CADM2: variants seen among roughly 807,000 people sequenced by gnomAD.
CADM2 encodes immunoglobulin superfamily member 4D.
CADM2 carries 12 observed loss-of-function variants against 49.8 expected under a neutral mutation model. The observed-to-expected ratio is 0.24, with a 90% CI of 0.15 to 0.39. The LOEUF (loss-of-function observed/expected upper bound fraction) is 0.39. CADM2 is among the 10% of genes least tolerant of loss of function. The pLI is 1.00. For synonymous variants in CADM2, 214 were observed against 175.4 expected (o/e 1.22, Z -1.74); for missense variants, 378 against 492.3 (o/e 0.77, Z 2.20).
chr3:85,682,398 CA>C (rs2066064491), intron 1 of CADM2, among the ~76,000 whole-genome samples: 1 of 151,990 alleles, frequency 6.6e-6, no homozygotes, highest in African/African-American at 2.4e-5. Context: ...CACAGTTTTA[CA>C]AAGCAATATA....
intron 1 of CADM2, among the ~76,000 whole-genome samples, chr3:85,289,640 G>A (rs548481101): frequency 5.3e-5 from 8 of 152,120 alleles, no homozygotes; most frequent in Non-Finnish European, 1.0e-4. Flanking sequence ...GTGAAAAACC[G>A]CAATAATTTC....
intron 8 of CADM2, among the ~76,000 whole-genome samples, chr3:86,015,916 CA>C (rs1340986044): frequency 5.3e-5 from 8 of 152,140 alleles, no homozygotes; most frequent in African/African-American, 1.7e-4. Flanking sequence ...GGAAAACCTA[CA>C]AAAATAAGGA....
At chr3:85,157,579 A>G (rs1316789815) in intron 1 of CADM2, among the ~76,000 whole-genome samples, 2 of 152,226 alleles carry the variant, frequency 1.3e-5, no homozygotes, top group Non-Finnish European at 2.9e-5. Context: ...GAGAAAAACA[A>G]GCATTGAGTA....
intron 1 of CADM2, among the ~76,000 whole-genome samples, chr3:85,630,010 G>A (rs540659007): frequency 6.6e-6 from 1 of 152,056 alleles, no homozygotes; most frequent in East Asian, 1.9e-4. Context: ...TCTGTATAGA[G>A]TTGACTTCAT....
intron 1 of CADM2, among the ~76,000 whole-genome samples, chr3:85,445,586 AT>A (rs1255908784): frequency 6.6e-6 from 1 of 152,132 alleles, no homozygotes; most frequent in Non-Finnish European, 1.5e-5. Flanking sequence ...TGCATTATTT[AT>A]CTATGCATTT....
intron 1 of CADM2, among the ~76,000 whole-genome samples, chr3:85,676,233 C>T (rs2065882095): frequency 6.6e-6 from 1 of 152,124 alleles, no homozygotes; most frequent in Non-Finnish European, 1.5e-5. Context: ...CTCTTAAAAT[C>T]AATTAGTTTT....
At chr3:85,084,170 T>C (rs1279115941) in intron 1 of CADM2, among the ~76,000 whole-genome samples, 3 of 152,198 alleles carry the variant, frequency 2.0e-5, no homozygotes, top group Non-Finnish European at 4.4e-5. Context: ...AAGTCAATGC[T>C]AATAGCATGA....
At chr3:85,076,820 A>T (rs547842113) in intron 1 of CADM2, among the ~76,000 whole-genome samples, 38 of 152,116 alleles carry the variant, frequency 2.5e-4, no homozygotes, top group South Asian at 1.7e-3. Context: ...AAAAATACAA[A>T]AATTACAAGG....
chr3:85,103,517 T>C (rs143927227), intron 1 of CADM2, among the ~76,000 whole-genome samples: 31 of 152,250 alleles, frequency 2.0e-4, no homozygotes, highest in African/African-American at 6.0e-4. Flanking sequence ...GAAAATGGCA[T>C]GTTCACAAAT....
At chr3:85,302,233 T>C (rs908809024) in intron 1 of CADM2, among the ~76,000 whole-genome samples, 6 of 152,052 alleles carry the variant, frequency 3.9e-5, no homozygotes, top group Non-Finnish European at 5.9e-5. Flanking sequence ...TTCATAATTT[T>C]AACTGCAGAT....
chr3:85,956,947 C>G (rs562687948), intron 7 of CADM2, among the ~76,000 whole-genome samples: 14 of 151,538 alleles, frequency 9.2e-5, no homozygotes, highest in African/African-American at 3.4e-4. Flanking sequence ...GAAAAGGTTG[C>G]CTCCTAAGAT....
intron 3 of CADM2, among the ~76,000 whole-genome samples, chr3:85,810,742 G>A (rs2072817749): frequency 6.6e-6 from 1 of 151,794 alleles, no homozygotes; most frequent in South Asian, 2.1e-4. Context: ...GTTTCACCAT[G>A]TTGACCACGC....
At chr3:85,674,989 G>A (rs1364714198) in intron 1 of CADM2, among the ~76,000 whole-genome samples, 1 of 152,076 alleles carries the variant, frequency 6.6e-6, no homozygotes, top group East Asian at 1.9e-4. Flanking sequence ...TATAGAAAAA[G>A]CACACATATC....
chr3:85,347,366 C>T (rs966296266), intron 1 of CADM2, among the ~76,000 whole-genome samples: 38 of 148,656 alleles, frequency 2.6e-4, no homozygotes, highest in African/African-American at 5.9e-4. Flanking sequence ...AAAGTGATCA[C>T]GTATGTATAA....
At chr3:85,216,375 T>A (rs2041927269) in intron 1 of CADM2, among the ~76,000 whole-genome samples, 1 of 146,928 alleles carries the variant, frequency 6.8e-6, no homozygotes, top group African/African-American at 2.5e-5. Flanking sequence ...TATTTAATAT[T>A]AATGTACACT....
intron 1 of CADM2, among the ~76,000 whole-genome samples, chr3:85,122,399 A>G (rs945996420): frequency 1.3e-5 from 2 of 152,158 alleles, no homozygotes; most frequent in African/African-American, 4.8e-5. Context: ...ACAACTGTCT[A>G]TAACTCATTA....
intron 6 of CADM2, among the ~76,000 whole-genome samples, chr3:85,912,777 A>G (rs569878780): frequency 3.5e-4 from 54 of 152,240 alleles, no homozygotes; most frequent in African/African-American, 1.1e-3. Context: ...TAATACTCCT[A>G]TGTTTCAAAT....
At chr3:86,037,443 G>T (rs1384569591) in intron 8 of CADM2, among the ~76,000 whole-genome samples, 1 of 152,098 alleles carries the variant, frequency 6.6e-6, no homozygotes, top group African/African-American at 2.4e-5. Flanking sequence ...TTAAGAGAGG[G>T]GGGCAGGGCA....
intron 8 of CADM2, among the ~76,000 whole-genome samples, chr3:86,042,390 A>T (rs1313584581): frequency 6.6e-6 from 1 of 152,214 alleles, no homozygotes; most frequent in African/African-American, 2.4e-5. Context: ...AAAATGATAA[A>T]GGGGATATCA....
Sources: gnomAD v4.1 joint callset for allele counts (sites outside exome capture counted in the v4.1 genomes callset) on GRCh38, gnomAD v4.1.1 for gene constraint, MANE v1.5 for transcripts, NCBI Gene and HGNC (gene_info 2026-07-23, HGNC 2026-07-21) for gene names.